The following CLSTN2 variants were observed in gnomAD, a reference collection of about 807,000 sequenced individuals.
The protein encoded by CLSTN2 is calsyntenin 2, also known as calsyntenin-2.
In CLSTN2, 48 loss-of-function variants were observed where a neutral mutation model predicts 101.2. The ratio of observed to expected loss-of-function variants is 0.47; its 90% confidence interval spans 0.38 to 0.60. CLSTN2 has a LOEUF of 0.60. Among genes scored for constraint, CLSTN2 ranks in the 20% least tolerant of loss-of-function variants. The pLI is 0.00. For missense variants in CLSTN2, 1,160 were observed against 1,238.2 expected, an observed-to-expected ratio of 0.94 and a Z score of 0.95; for synonymous variants, 481 against 463.6, an observed-to-expected ratio of 1.04 and a Z score of -0.48.
intron 4 of CLSTN2, among the ~76,000 whole-genome samples, chr3:140,415,506 A>G (rs1389474238): frequency 3.3e-5 from 5 of 151,186 alleles, no homozygotes; most frequent in Admixed American, 3.3e-4. Context: ...AAAAAAAAAA[A>G]AAAACAAACT....
At chr3:140,200,908 G>C (rs1343593810) in intron 2 of CLSTN2, among the ~76,000 whole-genome samples, 1 of 151,804 alleles carries the variant, frequency 6.6e-6, no homozygotes, top group Admixed American at 6.6e-5. Context: ...CCCTATCCAA[G>C]TTGACACATC....
chr3:140,482,442 G>A (rs1934138950), intron 8 of CLSTN2, among the ~76,000 whole-genome samples: 1 of 152,172 alleles, frequency 6.6e-6, no homozygotes, highest in South Asian at 2.1e-4. Context: ...TTGGTATCAG[G>A]ATGATGCTGG....
At chr3:140,205,669 C>T (rs1180437890) in intron 2 of CLSTN2, among the ~76,000 whole-genome samples, 1 of 140,312 alleles carries the variant, frequency 7.1e-6, no homozygotes, top group Non-Finnish European at 1.5e-5. Flanking sequence ...TTCACAATTA[C>T]AGGTCTTGTA....
At chr3:140,298,256 T>A (rs1282779512) in intron 2 of CLSTN2, among the ~76,000 whole-genome samples, 1 of 152,210 alleles carries the variant, frequency 6.6e-6, no homozygotes, top group Non-Finnish European at 1.5e-5. Flanking sequence ...TTTCCTTATC[T>A]GTAAAATGGG....
At chr3:140,420,329 G>T (rs2107990724) in intron 4 of CLSTN2, among the ~76,000 whole-genome samples, 1 of 150,492 alleles carries the variant, frequency 6.6e-6, no homozygotes, top group Non-Finnish European at 1.5e-5. Context: ...ATTATTCTCA[G>T]CAAAATATTT....
At chr3:140,410,426 A>T (rs2088350457) in intron 4 of CLSTN2, among the ~76,000 whole-genome samples, 1 of 151,536 alleles carries the variant, frequency 6.6e-6, no homozygotes, top group Non-Finnish European at 1.5e-5. Context: ...AAAAAAAAAA[A>T]ACCTACCAAC....
At chr3:139,962,459 T>C (rs73224955) in intron 1 of CLSTN2, among the ~76,000 whole-genome samples, 19,887 of 152,178 alleles carry the variant, frequency 0.13, 1,319 homozygotes, top group East Asian at 0.19. Flanking sequence ...CATTCTTCAC[T>C]CCATAAGCAA....
At chr3:140,286,557 C>T (rs989508071) in intron 2 of CLSTN2, among the ~76,000 whole-genome samples, 1 of 152,170 alleles carries the variant, frequency 6.6e-6, no homozygotes, top group African/African-American at 2.4e-5. Context: ...GCCCTCTATT[C>T]AGTGTCTACC....
At chr3:140,481,781 T>C (rs929807695) in intron 8 of CLSTN2, among the ~76,000 whole-genome samples, 2 of 152,226 alleles carry the variant, frequency 1.3e-5, no homozygotes, top group African/African-American at 4.8e-5. Context: ...ATGCTTGTGA[T>C]TTTTGCACAT....
In CLSTN2 at chr3:140,466,701, C is replaced by A. The variant is rs775490727; in HGVS notation, c.1314C>A (p.Arg438=). ...ACTTCGACCAGGCTGACACCTTTCG[C>A]CCCGCGGAGTTCCACTGGAAGCTGG... ...RKDFDQADTF[R]PAEFHWKLDQ... The change falls in exon 8 of 17, where the codon CGC becomes CGA. Residue 438 remains arginine (R), a synonymous_variant. Coordinates refer to ENST00000458420, the MANE Select transcript of CLSTN2 (RefSeq NM_022131.3). 75 of 1,614,042 alleles carry A rather than the reference C, an allele frequency of 4.6e-5. No individual in the cohort carries two copies. Among genetic ancestry groups the A allele is most frequent in the Non-Finnish European group, 1.4e-5 (16 of 1,180,024 alleles).
intron 1 of CLSTN2, among the ~76,000 whole-genome samples, chr3:139,944,619 C>T (rs1935187285): frequency 6.6e-6 from 1 of 152,224 alleles, no homozygotes; most frequent in African/African-American, 2.4e-5. Flanking sequence ...CCCTGCTCAC[C>T]TCTGTATGAC....
At chr3:139,961,856 T>A (rs1376221419) in intron 1 of CLSTN2, among the ~76,000 whole-genome samples, 1 of 152,150 alleles carries the variant, frequency 6.6e-6, no homozygotes, top group Non-Finnish European at 1.5e-5. Context: ...TTTCAGAGAT[T>A]TTTCTATGCA....
chr3:140,441,392 A>G (rs998468258), intron 5 of CLSTN2, among the ~76,000 whole-genome samples: 1 of 152,236 alleles, frequency 6.6e-6, no homozygotes, highest in Admixed American at 6.5e-5. Context: ...GCCTAATAAA[A>G]TAGCCCATGT....
intron 1 of CLSTN2, among the ~76,000 whole-genome samples, chr3:140,159,992 T>C (rs949493275): frequency 6.6e-6 from 1 of 151,882 alleles, no homozygotes; most frequent in African/African-American, 2.4e-5. Context: ...AAACAATAGA[T>C]ACTATGGACT....
intron 1 of CLSTN2, among the ~76,000 whole-genome samples, chr3:140,167,742 G>A (rs1000534496): frequency 1.1e-4 from 17 of 152,068 alleles, no homozygotes; most frequent in African/African-American, 4.1e-4. Flanking sequence ...CTACTGATCT[G>A]TTATCTGTCC....
chr3:140,060,478 T>C (rs1252784417), intron 1 of CLSTN2, among the ~76,000 whole-genome samples: 1 of 152,154 alleles, frequency 6.6e-6, no homozygotes, highest in Non-Finnish European at 1.5e-5. Flanking sequence ...CTTTCCCAGG[T>C]AAGTGAAATG....
intron 1 of CLSTN2, among the ~76,000 whole-genome samples, chr3:139,936,238 C>T (rs958408367): frequency 2.6e-5 from 4 of 152,160 alleles, no homozygotes; most frequent in Non-Finnish European, 5.9e-5. Context: ...TGGAAGCCGG[C>T]GAACCCCGGA....
intron 8 of CLSTN2, among the ~76,000 whole-genome samples, chr3:140,524,275 G>A (rs1935091546): frequency 6.6e-6 from 1 of 152,192 alleles, no homozygotes. Context: ...GCAATTTGGA[G>A]ATACTCTGAC....
At chr3:140,066,159 T>C (rs1450319856) in intron 1 of CLSTN2, among the ~76,000 whole-genome samples, 1 of 152,240 alleles carries the variant, frequency 6.6e-6, no homozygotes, top group Non-Finnish European at 1.5e-5. Context: ...ACCATCCTAC[T>C]ATATTTCAGA....
Sources: gnomAD v4.1 joint callset for allele counts (sites outside exome capture counted in the v4.1 genomes callset) on GRCh38, gnomAD v4.1.1 for gene constraint, MANE v1.5 for transcripts, NCBI Gene and HGNC (gene_info 2026-07-23, HGNC 2026-07-21) for gene names.